EXOC6B: variants seen among roughly 807,000 people sequenced by gnomAD.
EXOC6B encodes SEC15 homolog B.
Under a neutral mutation model 113.5 loss-of-function variants are expected in EXOC6B, and 54 were observed. The ratio of observed to expected loss-of-function variants is 0.48; its 90% CI spans 0.38 to 0.60. The LOEUF is 0.60. Ranked by LOEUF, EXOC6B falls within the 20% of genes least tolerant of loss-of-function variation. The pLI, the probability that EXOC6B is intolerant of heterozygous loss-of-function variation, is 0.00. For synonymous variants in EXOC6B, 357 were observed against 339.0 expected (o/e 1.05, Z -0.58); for missense variants, 797 against 977.5 (o/e 0.82, Z 2.46).
At chr2:72,457,324 T>C (rs1390242077) in intron 18 of EXOC6B, among the ~76,000 whole-genome samples, 1 of 152,064 alleles carries the variant, frequency 6.6e-6, no homozygotes, top group African/African-American at 2.4e-5. Flanking sequence ...GGGTTTTAAA[T>C]GGGAAGAATT....
chr2:72,639,996 G>A (rs910743451), intron 6 of EXOC6B, among the ~76,000 whole-genome samples: 3 of 152,160 alleles, frequency 2.0e-5, no homozygotes, highest in African/African-American at 4.8e-5. Flanking sequence ...CCTCTCAAGC[G>A]AGGGTTCTGA....
intron 20 of EXOC6B, among the ~76,000 whole-genome samples, chr2:72,281,545 A>G (rs1382827999): frequency 6.6e-6 from 1 of 152,108 alleles, no homozygotes; most frequent in East Asian, 1.9e-4. Flanking sequence ...GATTGGATAG[A>G]GGATGAGTAA....
intron 1 of EXOC6B, among the ~76,000 whole-genome samples, chr2:72,814,873 C>G (rs1055063345): frequency 3.3e-5 from 5 of 152,176 alleles, no homozygotes; most frequent in African/African-American, 9.6e-5. Context: ...CGCCTGTAGT[C>G]CCAGCTACTC....
chr2:72,792,994 A>G (rs1457151884), intron 1 of EXOC6B, among the ~76,000 whole-genome samples: 1 of 152,206 alleles, frequency 6.6e-6, no homozygotes, highest in African/African-American at 2.4e-5. Context: ...TAAGGAGCTC[A>G]ATCCATGTTG....
intron 18 of EXOC6B, among the ~76,000 whole-genome samples, chr2:72,380,533 A>G (rs1483531627): frequency 6.6e-6 from 1 of 151,982 alleles, no homozygotes; most frequent in Non-Finnish European, 1.5e-5. Context: ...CCAGCTACTC[A>G]GAAGGCTGAG....
chr2:72,466,356 A>AAAAAG (rs1234787079), intron 17 of EXOC6B, among the ~76,000 whole-genome samples: 19 of 151,546 alleles, frequency 1.3e-4, no homozygotes, highest in East Asian at 1.9e-4. Context: ...AAAAAAAAAA[A>AAAAAG]AAAAGAAAAG....
At chr2:72,413,566 C>T (rs1365599299) in intron 18 of EXOC6B, among the ~76,000 whole-genome samples, 1 of 151,326 alleles carries the variant, frequency 6.6e-6, no homozygotes. Flanking sequence ...ACCTGTAATC[C>T]CAGCTACTCC....
chr2:72,721,421 G>A (rs1431260748), intron 5 of EXOC6B, among the ~76,000 whole-genome samples: 1 of 82,500 alleles, frequency 1.2e-5, no homozygotes, highest in African/African-American at 4.7e-5. Flanking sequence ...GAACCAAAAA[G>A]GGCCAACATA....
At position 72,184,178 on chromosome 2, in the gene EXOC6B, G is replaced by T; in HGVS notation, c.2206C>A (p.Leu736Ile). 1.3e-6 allele frequency: 2 copies of T among 1,548,354 alleles called. No homozygotes were observed. The highest frequency in any genetic ancestry group is 8.7e-7 in the Non-Finnish European group (1 of 1,143,006). The change falls in exon 21 of 22, where the codon CTT becomes ATT. Residue 736 changes from leucine to isoleucine, a missense_variant. Physicochemically the swap from Leu to Ile is conservative, Grantham distance 5. Transcript: ENST00000272427. Reference sequence around the variant, plus strand: ...GTTGACCAATCCCACTGGATGAAAAGATCCAAAAGCTGTAAAATATCCAAA... The same window carrying T: ...GTTGACCAATCCCACTGGATGAAAATATCCAAAAGCTGTAAAATATCCAAA... ...AFIDLRQLLD[L>I]FIQWDWSTYL... is the part of the protein sequence containing the mutation.
intron 18 of EXOC6B, among the ~76,000 whole-genome samples, chr2:72,424,116 T>C (rs1404062694): frequency 1.4e-5 from 2 of 139,722 alleles, no homozygotes; most frequent in Non-Finnish European, 3.0e-5. Context: ...CTGTTATTTT[T>C]GCCCTCTTAT....
At chr2:72,227,483 G>C (rs1186976404) in intron 20 of EXOC6B, among the ~76,000 whole-genome samples, 1 of 152,076 alleles carries the variant, frequency 6.6e-6, no homozygotes, top group Non-Finnish European at 1.5e-5. Context: ...ACTATTATAA[G>C]GGTAAACTGA....
intron 6 of EXOC6B, among the ~76,000 whole-genome samples, chr2:72,700,761 G>T (rs1306560101): frequency 6.6e-6 from 1 of 152,146 alleles, no homozygotes. Flanking sequence ...GTCAGGCCTT[G>T]CCAATATGGC....
chr2:72,219,268 G>A (rs1680722566), intron 20 of EXOC6B, among the ~76,000 whole-genome samples: 1 of 151,974 alleles, frequency 6.6e-6, no homozygotes, highest in South Asian at 2.1e-4. Flanking sequence ...TGGCAAGAGG[G>A]AGCAAGGGGG....
chr2:72,526,365 C>G (rs1461208924), intron 8 of EXOC6B, among the ~76,000 whole-genome samples: 3 of 151,684 alleles, frequency 2.0e-5, no homozygotes, highest in African/African-American at 4.8e-5. Context: ...AGTGACTTCC[C>G]ATGTACATAA....
chr2:72,801,889 GGAAGTCTCAACTCATACT>G (rs1685297599), intron 1 of EXOC6B, among the ~76,000 whole-genome samples: 1 of 152,172 alleles, frequency 6.6e-6, no homozygotes, highest in African/African-American at 2.4e-5. Context: ...CACTGTTAGT[GGAAGTCTCAACTCATACT>G]GCCTTTCTGG....
chr2:72,750,157 C>G (rs573701204), intron 1 of EXOC6B, among the ~76,000 whole-genome samples: 1 of 151,860 alleles, frequency 6.6e-6, no homozygotes, highest in African/African-American at 2.4e-5. Context: ...CAATTTCACC[C>G]GTAAGTGGTT....
chr2:72,646,429 G>A (rs1246285922), intron 6 of EXOC6B, among the ~76,000 whole-genome samples: 1 of 151,972 alleles, frequency 6.6e-6, no homozygotes, highest in African/African-American at 2.4e-5. Context: ...AAAAAAGAGG[G>A]AATCCTCCCT....
In EXOC6B at chr2:72,810,319, A is replaced by G. The variant is rs550278724; in HGVS notation, c.113+15479T>C. Among the ~76,000 whole-genome samples the G allele has an allele frequency of 1.3e-4, 19 of 150,466 alleles. No homozygotes were observed. The South Asian group carries it at 3.0e-3, about 23-fold the overall frequency. On this transcript the variant is annotated intron_variant, in intron 1 of 21. Transcript: ENST00000272427. ...TCTTTGAGCCCAGCCTGAGTGAGAA[A>G]GCGAGACCTTGTCTCTAAAATAAAT...
intron 18 of EXOC6B, among the ~76,000 whole-genome samples, chr2:72,402,231 C>A (rs1046493474): frequency 6.6e-6 from 1 of 151,966 alleles, no homozygotes; most frequent in Non-Finnish European, 1.5e-5. Flanking sequence ...GTTTAGGTAA[C>A]GTGCATGTTT....
Sources: gnomAD v4.1 joint callset for allele counts (sites outside exome capture counted in the v4.1 genomes callset) on GRCh38, gnomAD v4.1.1 for gene constraint, MANE v1.5 for transcripts, NCBI Gene and HGNC (gene_info 2026-07-23, HGNC 2026-07-21) for gene names.